Variants in RELT observed in about 807,000 individuals in gnomAD.
RELT encodes tumor necrosis factor receptor superfamily member 19L.
RELT carries 37 observed loss-of-function variants against 51.1 expected under a neutral mutation model. The ratio of observed to expected loss-of-function variants is 0.72; its 90% CI spans 0.56 to 0.95. RELT has a LOEUF of 0.95. Among genes scored for constraint, RELT ranks in the 40% least tolerant of loss-of-function variants. The probability of loss-of-function intolerance (pLI) is 0.00; values close to 1 mark genes in which losing one functional copy is unlikely to be tolerated. For missense variants in RELT, 535 were observed against 572.6 expected, an observed-to-expected ratio of 0.93 and a Z score of 0.67; for synonymous variants, 241 against 235.7, an observed-to-expected ratio of 1.02 and a Z score of -0.21.
In RELT at chr11:73,388,151, A is replaced by C. The variant is rs116969519; in HGVS notation, c.-25-961A>C. Among the ~76,000 whole-genome samples the C allele has an allele frequency of 8.1e-3, 1,239 of 152,212 alleles. 63 individuals carry two copies. The highest frequency in any genetic ancestry group is 0.069 in the Admixed American group (1,062 of 15,292). On this transcript the variant is annotated intron_variant, in intron 1 of 10. Coordinates refer to ENST00000064780, the MANE Select transcript of RELT (RefSeq NM_152222.2). The surrounding 1 kb of genome is among the most constrained non-coding windows in gnomAD (Gnocchi z 4.1). The stretch of plus-strand genomic sequence containing the variant: ...CCGGTGGGCCGTGACGCCACCATGG[A>C]TATTTCTCTGAAGTATCACACACTG...
chr11:73,381,004 G>GCCCA (rs1384581567), intron 1 of RELT, among the ~76,000 whole-genome samples: 9 of 152,174 alleles, frequency 5.9e-5, no homozygotes, highest in Admixed American at 5.9e-4. Context: ...TATGGCCCGG[G>GCCCA]AGGCTGTCAC....
intron 9 of RELT, 51 bp from the exon 10 acceptor site, chr11:73,395,036 T>C: frequency 6.6e-7 from 1 of 1,505,404 alleles, no homozygotes; most frequent in Non-Finnish European, 9.2e-7. Flanking sequence ...CTGCCTTCTC[T>C]GTGCCCCGGG....
At chr11:73,377,883 G>A (rs1246309698) in intron 1 of RELT, among the ~76,000 whole-genome samples, 2 of 152,272 alleles carry the variant, frequency 1.3e-5, no homozygotes, top group East Asian at 3.9e-4. Context: ...CGGCCCAGGG[G>A]CTGCACTCAG....
intron 1 of RELT, among the ~76,000 whole-genome samples, chr11:73,382,995 C>T (rs568165987): frequency 2.6e-5 from 4 of 152,318 alleles, no homozygotes; most frequent in Non-Finnish European, 4.4e-5. Context: ...CTCAGCCCCA[C>T]CCCATCCACC....
chr11:73,389,820 T>C (rs1866182261), intron 2 of RELT, among the ~76,000 whole-genome samples: 1 of 152,214 alleles, frequency 6.6e-6, no homozygotes, highest in African/African-American at 2.4e-5. Flanking sequence ...AGGAGATCCC[T>C]ATTCCATCTC....
intron 10 of RELT, 47 bp downstream of exon 10, chr11:73,395,332 G>C (rs1827658899): frequency 1.2e-6 from 2 of 1,602,166 alleles, no homozygotes; most frequent in Admixed American, 3.3e-5. Flanking sequence ...GGCCAACCCT[G>C]ACCGAAGACG....
Position 73,390,674 on chromosome 11 carries a change from CAGG to C in RELT, c.120+50_120+52del. 1.9e-6 allele frequency: 3 copies of C among 1,611,842 alleles called. No individual in the cohort carries two copies. In the South Asian group the frequency reaches 3.3e-5, roughly 18 times the overall value. On this transcript the variant is annotated intron_variant, in intron 3 of 10. Coordinates refer to ENST00000064780, the MANE Select transcript of RELT (RefSeq NM_152222.2). ...CCTGTCCTGGGAGGGCCCTGAGGGCCAGGGGCAGAGTCCTGTGCCTGGCCCCCA... is the reference window on the plus strand; with the variant it reads ...CCTGTCCTGGGAGGGCCCTGAGGGCCGGCAGAGTCCTGTGCCTGGCCCCCA...
In RELT at chr11:73,395,803, C is replaced by G; in HGVS notation, c.*312C>G. On this transcript the variant is annotated 3_prime_UTR_variant, in exon 11 of 11. Transcript: ENST00000064780. ...GAGCCCACGGGATTCTCTGTATCAT[C>G]AGAGGCTGGGCTTGGCAGAGGGGAG... 1 of 489,104 alleles carries G rather than the reference C, an allele frequency of 2.0e-6. No individual in the cohort carries two copies. The highest frequency in any genetic ancestry group is 3.6e-5 in the East Asian group (1 of 27,688). The allele number at this position is 489,104 out of a possible 1,614,324, so 30.3% of individuals were successfully genotyped here. A position where few individuals can be genotyped will look rare whatever the true frequency, so the allele number is the denominator to read the frequency against.
chr11:73,393,962 G>T (rs781536151), intron 7 of RELT, 45 bp downstream of exon 7: 3 of 1,565,424 alleles, frequency 1.9e-6, no homozygotes, highest in South Asian at 1.1e-5. Flanking sequence ...GGAGAGGAGG[G>T]TTTCCTCCAG....
chr11:73,392,540 C>T (rs1211099452), intron 6 of RELT, 72 bp downstream of exon 6: 2 of 1,535,076 alleles, frequency 1.3e-6, no homozygotes, highest in Non-Finnish European at 1.8e-6. Context: ...TTGGGGGCTG[C>T]CAGCGGAATC....
At position 73,395,503 on chromosome 11, in the gene RELT, G is replaced by A. The variant is rs755016369; in HGVS notation, c.*12G>A. 1 of 785,916 alleles carries A rather than the reference G, an allele frequency of 1.3e-6. No homozygotes were observed. The highest frequency in any genetic ancestry group is 2.4e-6 in the Non-Finnish European group (1 of 422,652). The allele number at this position is 785,916 out of a possible 1,614,324, so 48.7% of individuals were successfully genotyped here. ...ACCTGGTCATCTGAGGGGCGGTCTAGTCTAAGGACACTGCGGCCCTGCCCT... is the reference window on the plus strand; with the variant it reads ...ACCTGGTCATCTGAGGGGCGGTCTAATCTAAGGACACTGCGGCCCTGCCCT... On this transcript the variant is annotated 3_prime_UTR_variant, in exon 11 of 11. Coordinates refer to ENST00000064780, the MANE Select transcript of RELT (RefSeq NM_152222.2).
chr11:73,377,975 T>C (rs1219789985), intron 1 of RELT, among the ~76,000 whole-genome samples: 1 of 152,160 alleles, frequency 6.6e-6, no homozygotes, highest in Non-Finnish European at 1.5e-5. Flanking sequence ...GGCTTCCTGG[T>C]CCTCTGTCAC....
rs893858160 is a variant in RELT at position 73,388,775 on chromosome 11, CCA to C, written c.-25-333_-25-332del. On this transcript the variant is annotated intron_variant, in intron 1 of 10. Transcript: ENST00000064780. This position sits in a 1 kb window ranked among gnomAD's most constrained non-coding sequence, Gnocchi z 4.1. The stretch of plus-strand genomic sequence containing the variant: ...ACCCTGTCATCACGGACACAGGCCG[CCA>C]CACGCGCTTCCTTCCCCTGCTGATG... 4.6e-4 allele frequency among the ~76,000 whole-genome samples: 70 copies of C among 152,304 alleles called. No individual in the cohort carries two copies. Among genetic ancestry groups the C allele is most frequent in the African/African-American group, 1.6e-3 (66 of 41,554 alleles).
At chr11:73,390,445 A>AGT in intron 2 of RELT, 106 bp from the exon 3 acceptor site, 1 of 1,019,422 alleles carries the variant, frequency 9.8e-7, no homozygotes, top group Admixed American at 1.7e-5. Context: ...TGGGGTAGTC[A>AGT]GTGGTCCCTA....
intron 1 of RELT, among the ~76,000 whole-genome samples, chr11:73,378,764 C>G (rs934727980): frequency 6.6e-6 from 1 of 152,254 alleles, no homozygotes; most frequent in Non-Finnish European, 1.5e-5. Context: ...CACTCCCAAC[C>G]AGACATCACC....
At chr11:73,380,936 G>A (rs1866041629) in intron 1 of RELT, among the ~76,000 whole-genome samples, 1 of 152,186 alleles carries the variant, frequency 6.6e-6, no homozygotes, top group East Asian at 1.9e-4. Flanking sequence ...GAGTGGGGCT[G>A]GAGTGGCAGA....
chr11:73,381,694 G>A (rs901859132), intron 1 of RELT, among the ~76,000 whole-genome samples: 60 of 152,228 alleles, frequency 3.9e-4, no homozygotes, highest in African/African-American at 1.3e-3. Context: ...TTGGGAAACA[G>A]GCTTGGGAAG....
At chr11:73,377,632 C>T (rs754664813) in intron 1 of RELT, among the ~76,000 whole-genome samples, 4 of 151,922 alleles carry the variant, frequency 2.6e-5, no homozygotes, top group Non-Finnish European at 5.9e-5. Flanking sequence ...AAGTTCTGCC[C>T]CTGTGTAATC....
rs775294840 is a variant in RELT at position 73,392,206 on chromosome 11, C to A, written c.368-5C>A. 1 of 1,610,678 alleles carries A rather than the reference C, an allele frequency of 6.2e-7. No homozygotes were observed. Among genetic ancestry groups the A allele is most frequent in the Non-Finnish European group, 8.5e-7 (1 of 1,178,418 alleles). ...TGTCCTGCCTCCATCGTCTGTGATG[C>A]TCAGAGTGGGGGCGGCGGGCCCGAC... On this transcript the variant is annotated splice_region_variant and splice_polypyrimidine_tract_variant and intron_variant, in intron 5 of 10. Coordinates refer to ENST00000064780, the MANE Select transcript of RELT (RefSeq NM_152222.2).
Sources: allele counts gnomAD v4.1 joint callset (sites outside exome capture counted in the v4.1 genomes callset), GRCh38; gene constraint gnomAD v4.1.1; non-coding constraint Gnocchi (gnomAD v3.1); transcripts MANE v1.5; gene names NCBI Gene and HGNC (gene_info 2026-07-23, HGNC 2026-07-21).